Variants in HCN1 observed in about 807,000 individuals in gnomAD.
HCN1 encodes hyperpolarization activated cyclic nucleotide gated potassium channel 1.
In HCN1, 13 loss-of-function variants were observed where a neutral mutation model predicts 78.9. The observed-to-expected ratio is 0.16, with a 90% CI of 0.11 to 0.26. The LOEUF is 0.26. HCN1 is among the 10% of genes least tolerant of loss of function. HCN1 has a pLI of 1.00. For synonymous variants in HCN1, 552 were observed against 455.5 expected, an observed-to-expected ratio of 1.21 and a Z score of -2.70; for missense variants, 810 against 1,154.3, an observed-to-expected ratio of 0.70 and a Z score of 4.32.
rs938831463 is a variant in HCN1, at chr5:45,639,810, C to T, written c.849+5375G>A. On this transcript the variant is annotated intron_variant, in intron 2 of 7. Transcript: ENST00000303230. ...TAACTGGTGGTGTTAGCTCTATCCA[C>T]GGTGGCCTCCAACCCCCTTCATTCT... is the stretch of plus-strand genomic sequence containing the variant. Among the ~76,000 whole-genome samples the T allele has an allele frequency of 7.9e-5, 12 of 152,114 alleles. No homozygotes were observed. The South Asian group carries it at 1.0e-3, about 13-fold the overall frequency.
intron 2 of HCN1, among the ~76,000 whole-genome samples, chr5:45,516,892 G>A (rs1742525488): frequency 9.2e-6 from 1 of 108,218 alleles, no homozygotes; most frequent in African/African-American, 4.7e-5. Context: ...ATATATTATA[G>A]ATGTTAACTT....
At chr5:45,585,912 G>A (rs947270280) in intron 2 of HCN1, among the ~76,000 whole-genome samples, 1 of 152,186 alleles carries the variant, frequency 6.6e-6, no homozygotes, top group African/African-American at 2.4e-5. Context: ...GTACCCAGCC[G>A]TGTGAGGTGT....
chr5:45,520,945 C>A (rs1023982187), intron 2 of HCN1, among the ~76,000 whole-genome samples: 9 of 151,456 alleles, frequency 5.9e-5, no homozygotes, highest in Non-Finnish European at 1.0e-4. Context: ...CATGGCCCTG[C>A]CAAGAAAAGC....
chr5:45,306,275 C>G (rs1745733037), intron 5 of HCN1, among the ~76,000 whole-genome samples: 1 of 151,982 alleles, frequency 6.6e-6, no homozygotes, highest in Non-Finnish European at 1.5e-5. Flanking sequence ...GCAAATGTTT[C>G]ACTTCATGGA....
chr5:45,686,618 C>G (rs1018358124), intron 1 of HCN1, among the ~76,000 whole-genome samples: 5 of 152,136 alleles, frequency 3.3e-5, no homozygotes. Context: ...TTTTTAGACA[C>G]CTTTAGATCA....
At chr5:45,282,464 T>A (rs1238924438) in intron 6 of HCN1, among the ~76,000 whole-genome samples, 1 of 152,204 alleles carries the variant, frequency 6.6e-6, no homozygotes, top group Non-Finnish European at 1.5e-5. Context: ...GCTGTCTAGC[T>A]AGATATAGTA....
chr5:45,368,370 A>G (rs1747277947), intron 4 of HCN1, among the ~76,000 whole-genome samples: 1 of 152,018 alleles, frequency 6.6e-6, no homozygotes, highest in African/African-American at 2.4e-5. Context: ...CAAAAACATA[A>G]TTATTTTTCC....
Position 45,695,854 on chromosome 5 carries a change from GC to G in HCN1, c.239del (p.Gly80AlafsTer68). On this transcript the variant is annotated frameshift_variant, in exon 1 of 8. Transcript: ENST00000303230. LOFTEE classifies it high-confidence loss of function. The part of the protein sequence containing the change: ...GGGGGEEPAG[G>X]FEDAEGPRRQ... ...GCCGGGGCCCCTCGGCGTCTTCGAA[GC>G]CCCCCGCCGGCTCCTCGCCGCCGCC... The G allele has an allele frequency of 1.3e-6, 2 of 1,590,916 alleles. No homozygotes were observed.
At chr5:45,479,950 C>A (rs750124115) in intron 2 of HCN1, among the ~76,000 whole-genome samples, 4 of 152,110 alleles carry the variant, frequency 2.6e-5, no homozygotes, top group Admixed American at 1.3e-4. Context: ...CCATAAAAAT[C>A]TCTGATCAAA....
chr5:45,683,393 C>A (rs1358462502), intron 1 of HCN1, among the ~76,000 whole-genome samples: 1 of 152,170 alleles, frequency 6.6e-6, no homozygotes, highest in South Asian at 2.1e-4. Context: ...CTGAACTTAG[C>A]AGTTAACTCC....
At chr5:45,374,235 CAT>C (rs1491249637) in intron 4 of HCN1, among the ~76,000 whole-genome samples, 5 of 103,770 alleles carry the variant, frequency 4.8e-5, no homozygotes, top group East Asian at 2.4e-4. Context: ...ATATACATAA[CAT>C]ATATATTATG....
intron 5 of HCN1, among the ~76,000 whole-genome samples, chr5:45,310,588 A>G (rs887033271): frequency 6.6e-6 from 1 of 152,196 alleles, no homozygotes; most frequent in African/African-American, 2.4e-5. Context: ...TAGTTCAGAC[A>G]TTGTGGAAGA....
chr5:45,393,486 A>T (rs536608363), intron 4 of HCN1, among the ~76,000 whole-genome samples: 13 of 152,306 alleles, frequency 8.5e-5, no homozygotes, highest in African/African-American at 2.9e-4. Flanking sequence ...GACCACTCAA[A>T]ATCAGTTTAA....
chr5:45,618,109 C>T (rs1423410840), intron 2 of HCN1, among the ~76,000 whole-genome samples: 1 of 144,818 alleles, frequency 6.9e-6, no homozygotes, highest in Non-Finnish European at 1.5e-5. Context: ...AGCTAATGCA[C>T]TTAGTAGATT....
At chr5:45,522,863 T>G in intron 2 of HCN1, among the ~76,000 whole-genome samples, 1 of 152,138 alleles carries the variant, frequency 6.6e-6, no homozygotes, top group East Asian at 1.9e-4. Flanking sequence ...TTTTTAAATT[T>G]TATTATTACT....
At chr5:45,454,677 T>C (rs1253312015) in intron 3 of HCN1, among the ~76,000 whole-genome samples, 2 of 152,024 alleles carry the variant, frequency 1.3e-5, no homozygotes, top group Non-Finnish European at 2.9e-5. Context: ...CTTCGTAATA[T>C]TACTTTGGCT....
chr5:45,349,701 G>A (rs577611704), intron 5 of HCN1, among the ~76,000 whole-genome samples: 8 of 152,062 alleles, frequency 5.3e-5, no homozygotes, highest in Middle Eastern at 3.4e-3. Context: ...TATCACCACC[G>A]ATCCCACAGA....
chr5:45,312,085 C>G (rs1745861719), intron 5 of HCN1, among the ~76,000 whole-genome samples: 1 of 152,102 alleles, frequency 6.6e-6, no homozygotes, highest in Non-Finnish European at 1.5e-5. Flanking sequence ...ATGTTTATGT[C>G]AGATGTTTCT....
rs193110473 is a variant in HCN1, at chr5:45,309,071, G to C, written c.1378-5232C>G. Among the ~76,000 whole-genome samples the C allele has an allele frequency of 1.6e-3, 243 of 152,128 alleles. 1 individual carries two copies. The highest frequency in any genetic ancestry group is 5.5e-3 in the African/African-American group (229 of 41,510). Reference sequence around the variant, plus strand: ...TAGTGGTTTGTACTATCCTTTTAGAGATCCTTCACTTTTCTTGTCAGCTGT... The same window carrying C: ...TAGTGGTTTGTACTATCCTTTTAGACATCCTTCACTTTTCTTGTCAGCTGT... On this transcript the variant is annotated intron_variant, in intron 5 of 7. Transcript: ENST00000303230.
Sources: gnomAD v4.1 joint callset for allele counts (sites outside exome capture counted in the v4.1 genomes callset) on GRCh38, gnomAD v4.1.1 for gene constraint, MANE v1.5 for transcripts, NCBI Gene and HGNC (gene_info 2026-07-23, HGNC 2026-07-21) for gene names.